Variants in PRC1 observed in about 807,000 individuals in gnomAD.
PRC1 encodes anaphase spindle elongation 1 homolog.
PRC1 carries 54 observed loss-of-function variants against 91.2 expected under a neutral mutation model. That is an observed-to-expected ratio of 0.59 (90% CI 0.48 to 0.74). The LOEUF is 0.74. PRC1 is among the 30% of genes least tolerant of loss of function. The pLI, the probability that PRC1 is intolerant of heterozygous loss-of-function variation, is 0.00. For missense variants in PRC1, 727 were observed against 746.2 expected (o/e 0.97, Z 0.30); for synonymous variants, 275 against 263.6 (o/e 1.04, Z -0.42).
intron 1 of PRC1, among the ~76,000 whole-genome samples, chr15:90,986,633 CA>C (rs997114071): frequency 6.6e-6 from 1 of 151,778 alleles, no homozygotes; most frequent in Non-Finnish European, 1.5e-5. Context: ...GCGAAACTGT[CA>C]AAAAAGAAAA....
chr15:90,971,455 T>C (rs977472972), intron 11 of PRC1, among the ~76,000 whole-genome samples: 1 of 152,078 alleles, frequency 6.6e-6, no homozygotes, highest in African/African-American at 2.4e-5. Flanking sequence ...CCAGCTAATT[T>C]TTGTATTTGT....
At position 90,986,652 on chromosome 15, in the gene PRC1, A is replaced by G. The variant is rs1379639923; in HGVS notation, c.12-1827T>C. 3.9e-5 allele frequency among the ~76,000 whole-genome samples: 6 copies of G among 151,948 alleles called. No homozygotes were observed. In the South Asian group the frequency reaches 8.3e-4, roughly 21 times the overall value. On this transcript the variant is annotated intron_variant, in intron 1 of 14. Transcript: ENST00000394249. Reference sequence around the variant, plus strand: ...AACTGTCAAAAAAGAAAATGAACACACTACACATGATATGGATAAAGCTCA... The same window carrying G: ...AACTGTCAAAAAAGAAAATGAACACGCTACACATGATATGGATAAAGCTCA...
Position 90,969,094 on chromosome 15 carries a change from G to A in PRC1, c.1776C>T (p.Ser592=). The stretch of plus-strand genomic sequence containing the variant: ...CCATACAGACCTGAAGCCCAACAGT[G>A]GAACTGTCAGAGAGGGACGGATCCT... ...FAKDPSLSDS[S]TVGLQRELSK... The change falls in exon 14 of 15, where the codon TCC becomes TCT. Residue 592 remains serine (S), a synonymous_variant. Coordinates refer to ENST00000394249, the MANE Select transcript of PRC1 (RefSeq NM_003981.4). 1.9e-6 allele frequency: 3 copies of A among 1,613,990 alleles called. No individual in the cohort carries two copies. Among genetic ancestry groups the A allele is most frequent in the Non-Finnish European group, 2.5e-6 (3 of 1,179,922 alleles).
intron 14 of PRC1, chr15:90,968,579 T>C: frequency 1.1e-5 from 11 of 991,792 alleles, no homozygotes; most frequent in Non-Finnish European, 1.3e-5. Flanking sequence ...TCATCTATGC[T>C]TCAGTAGCTC....
intron 1 of PRC1, 29 bp downstream of exon 1, chr15:90,994,378 C>T (rs1216937936): frequency 3.1e-6 from 5 of 1,612,200 alleles, no homozygotes; most frequent in Admixed American, 1.7e-5. Context: ...CTCCCTCCCG[C>T]GTCCCCTCGA....
At position 90,984,120 on chromosome 15, in the gene PRC1, AATC is replaced by A; in HGVS notation, c.162_164del (p.Met54del). ...TTTCCTTCAGGCTTTCCTCTTCAGC[AATC>A]ATCATATCCAGGAGTTCCTACAAGA... is the stretch of plus-strand genomic sequence containing the variant. On this transcript the variant is annotated inframe_deletion, in exon 3 of 15. Transcript: ENST00000394249. The surrounding 1 kb of genome is among the most constrained non-coding windows in gnomAD (Gnocchi z 5.1). The A allele has an allele frequency of 6.2e-7, 1 of 1,614,166 alleles. No individual in the cohort carries two copies. The highest frequency in any genetic ancestry group is 8.5e-7 in the Non-Finnish European group (1 of 1,180,008).
At position 90,974,087 on chromosome 15, in the gene PRC1, C is replaced by T; in HGVS notation, c.1461+49G>A. 1 of 1,529,850 alleles carries T rather than the reference C, an allele frequency of 6.5e-7. No homozygotes were observed. Among genetic ancestry groups the T allele is most frequent in the Admixed American group, 1.7e-5 (1 of 59,768 alleles). The allele number at this position is 1,529,850 out of a possible 1,614,324, so 94.8% of individuals were successfully genotyped here. A position where few individuals can be genotyped will look rare whatever the true frequency, so the allele number is the denominator to read the frequency against. Reference sequence around the variant, plus strand: ...CCCTTCAAAGAGGTGGCTGGGACTACCCTCACCCACTCCCTTGAAATCAGT... The same window carrying T: ...CCCTTCAAAGAGGTGGCTGGGACTATCCTCACCCACTCCCTTGAAATCAGT... On this transcript the variant is annotated intron_variant, in intron 11 of 14. Transcript: ENST00000394249. The surrounding 1 kb of genome is among the most constrained non-coding windows in gnomAD (Gnocchi z 4.6).
At chr15:90,987,149 C>G (rs77332486) in intron 1 of PRC1, among the ~76,000 whole-genome samples, 2 of 150,338 alleles carry the variant, frequency 1.3e-5, no homozygotes, top group African/African-American at 2.5e-5. Flanking sequence ...GGCACGGTGA[C>G]GTATGCCTAT....
chr15:90,972,185 C>CAA (rs79751458), intron 11 of PRC1, among the ~76,000 whole-genome samples: 11,137 of 58,428 alleles, frequency 0.19, 1,095 homozygotes, highest in East Asian at 0.55. Flanking sequence ...TACTGAAACT[C>CAA]AAAAAAAAAA....
At chr15:90,972,933 AT>A (rs1408971190) in intron 11 of PRC1, 2 of 152,292 alleles carry the variant, frequency 1.3e-5, no homozygotes, top group East Asian at 3.9e-4. Flanking sequence ...GTTGGCAATC[AT>A]TCCCCCACCG....
At chr15:90,981,205 G>C in intron 5 of PRC1, 172 bp from the exon 6 acceptor site, 1 of 880,660 alleles carries the variant, frequency 1.1e-6, no homozygotes, top group Non-Finnish European at 1.7e-6. Flanking sequence ...CGGGATCTCA[G>C]ACCCCAAGAA....
chr15:90,975,152 C>A (rs1393756432), intron 9 of PRC1, among the ~76,000 whole-genome samples: 1 of 152,212 alleles, frequency 6.6e-6, no homozygotes, highest in Admixed American at 6.5e-5. Context: ...GTCGCCCAGG[C>A]TAGAGTGCAG....
intron 9 of PRC1, among the ~76,000 whole-genome samples, chr15:90,976,380 G>A (rs890314952): frequency 3.3e-5 from 5 of 150,970 alleles, no homozygotes; most frequent in Non-Finnish European, 5.9e-5. Context: ...CTGACCTCAT[G>A]ATCAAGACCA....
chr15:90,975,761 A>G (rs1157337011), intron 9 of PRC1, among the ~76,000 whole-genome samples: 3 of 152,126 alleles, frequency 2.0e-5, no homozygotes, highest in Middle Eastern at 3.2e-3. Flanking sequence ...AGATGGGAGG[A>G]ATGCTTGAGG....
chr15:90,971,718 T>A, intron 11 of PRC1, among the ~76,000 whole-genome samples: 1 of 151,454 alleles, frequency 6.6e-6, no homozygotes, highest in Non-Finnish European at 1.5e-5. Flanking sequence ...AAATTAGGTG[T>A]GGTAGCACAT....
chr15:90,982,304 A>AG (rs2039260575), intron 3 of PRC1, among the ~76,000 whole-genome samples: 1 of 152,104 alleles, frequency 6.6e-6, no homozygotes, highest in East Asian at 1.9e-4. Flanking sequence ...CATAACCATC[A>AG]CCTCCAAAAC....
Position 90,984,032 on chromosome 15 carries a change from C to G in PRC1, c.253G>C (p.Val85Leu). The G allele has an allele frequency of 1.2e-6, 2 of 1,614,118 alleles. No homozygotes were observed. Among genetic ancestry groups the G allele is most frequent in the Non-Finnish European group, 1.7e-6 (2 of 1,179,974 alleles). ...CTGCCACGGACCTGAAATGGCTCAA[C>G]ATGTAACTCGCTGCACAGAGTGTTC... The part of the protein sequence containing the change: ...ELNTLCSELH[V>L]EPFQEEGETT... The change falls in exon 3 of 15, where the codon GTT (valine) becomes CTT (leucine). Residue 85 changes from valine to leucine, a missense_variant. By Grantham distance (32) the Val-to-Leu change is conservative (BLOSUM62 1). Transcript: ENST00000394249. This position sits in a 1 kb window ranked among gnomAD's most constrained non-coding sequence, Gnocchi z 5.1.
Position 90,974,121 on chromosome 15 carries a change from A to C in PRC1, c.1461+15T>G. 1 of 1,606,572 alleles carries C rather than the reference A, an allele frequency of 6.2e-7. No individual in the cohort carries two copies. Among genetic ancestry groups the C allele is most frequent in the Non-Finnish European group, 8.5e-7 (1 of 1,173,204 alleles). ...ACTCCCTTGAAATCAGTGTTTCCCT[A>C]AGCCTTGTGTTTACCTTACGTGCTT... On this transcript the variant is annotated intron_variant, in intron 11 of 14. Coordinates refer to ENST00000394249, the MANE Select transcript of PRC1 (RefSeq NM_003981.4). The surrounding 1 kb of genome is among the most constrained non-coding windows in gnomAD (Gnocchi z 4.6).
intron 6 of PRC1, 123 bp from the exon 7 acceptor site, chr15:90,980,512 CTTTTT>C (rs35250469): frequency 0.022 from 10,529 of 489,552 alleles, 2 homozygotes; most frequent in East Asian, 0.074. Context: ...TAAATCAACA[CTTTTT>C]TTTTTTTTTT....
Sources: gnomAD v4.1 joint callset for allele counts (sites outside exome capture counted in the v4.1 genomes callset) on GRCh38, gnomAD v4.1.1 for gene constraint, Gnocchi (gnomAD v3.1) non-coding constraint, MANE v1.5 for transcripts, NCBI Gene and HGNC (gene_info 2026-07-23, HGNC 2026-07-21) for gene names.